The following ADH1B variants were observed in gnomAD, a reference collection of about 807,000 sequenced individuals.
The protein encoded by ADH1B is alcohol dehydrogenase 1B (class I), beta polypeptide.
A neutral mutation model predicts 34.6 loss-of-function variants in ADH1B; 29 were observed. That is an observed-to-expected ratio of 0.84 (90% CI 0.62 to 1.14). The LOEUF is 1.14. Ranked by LOEUF, ADH1B falls within the 50% of genes most tolerant of loss-of-function variation. The pLI, the probability that ADH1B is intolerant of heterozygous loss-of-function variation, is 0.00. For synonymous variants in ADH1B, 170 were observed against 175.5 expected, an observed-to-expected ratio of 0.97 and a Z score of 0.25; for missense variants, 424 against 468.4, an observed-to-expected ratio of 0.91 and a Z score of 0.87.
At chr4:99,319,834 T>G (rs1219079284) in intron 1 of ADH1B, 1 of 152,194 alleles carries the variant, frequency 6.6e-6, no homozygotes, top group African/African-American at 2.4e-5. Flanking sequence ...GATTTATTTT[T>G]CTGCCAATTC....
chr4:99,318,706 G>C, intron 2 of ADH1B, 79 bp downstream of exon 2: 1 of 1,366,896 alleles, frequency 7.3e-7, no homozygotes, highest in Non-Finnish European at 1.0e-6. Context: ...CCTCTTAGTG[G>C]ATTTTTGGAT....
chr4:99,313,957 G>A lies in ADH1B; in HGVS notation c.692C>T (p.Ala231Val), dbSNP rs775609473. 3 of 1,614,132 alleles carry A rather than the reference G, an allele frequency of 1.9e-6. No individual in the cohort carries two copies. Among genetic ancestry groups the A allele is most frequent in the Non-Finnish European group, 2.5e-6 (3 of 1,180,030 alleles). ...AGTGGCACCCAACTCTTTGGCCTTTGCAAATTTGTCCTTGTTGATGTCCAC... is the reference window on the plus strand; with the variant it reads ...AGTGGCACCCAACTCTTTGGCCTTTACAAATTTGTCCTTGTTGATGTCCAC... ...IAVDINKDKF[A>V]KAKELGATEC... The change falls in exon 6 of 9, where the codon GCA (alanine) becomes GTA (valine). Residue 231 changes from alanine (A) to valine (V), a missense_variant. Around this residue, in one of 3 missense-constraint regions of ADH1B, gnomAD observed 291 missense variants for 300.4 expected, o/e 0.97. Coordinates refer to ENST00000305046, the MANE Select transcript of ADH1B (RefSeq NM_000668.6).
At chr4:99,320,747 A>G (rs1734004012) in intron 1 of ADH1B, 2 of 1,082,194 alleles carry the variant, frequency 1.8e-6, no homozygotes, top group Admixed American at 4.9e-5. Context: ...TTGTATCATA[A>G]TGGACCCCTT....
Position 99,318,164 on chromosome 4 carries a change from A to G in ADH1B, c.141T>C (p.Cys47=). Residue 47 remains cysteine (C), a synonymous_variant, in exon 3 of 9, where the codon TGT becomes TGC. Coordinates refer to ENST00000305046, the MANE Select transcript of ADH1B (RefSeq NM_000668.6). ...VRIKMVAVGI[C]HTDDHVVSGN... ...CACTAACCACGTGGTCATCTGTGTG[A>G]CAGATTCCTACAGCCACCATCTACA... 1 of 1,614,130 alleles carries G rather than the reference A, an allele frequency of 6.2e-7. No individual in the cohort carries two copies. The highest frequency in any genetic ancestry group is 8.5e-7 in the Non-Finnish European group (1 of 1,180,002).
At chr4:99,319,291 G>C in intron 1 of ADH1B, 1 of 256,536 alleles carries the variant, frequency 3.9e-6, no homozygotes, top group South Asian at 4.6e-5. Context: ...AAAATACACT[G>C]CTTTATTGCT....
chr4:99,306,131 G>C lies in ADH1B; in HGVS notation c.*1709C>G, dbSNP rs28914794. On this transcript the variant is annotated 3_prime_UTR_variant, in exon 9 of 9. Coordinates refer to ENST00000305046, the MANE Select transcript of ADH1B (RefSeq NM_000668.6). ...AGCGATTCTCTTGCCTCAGCCTCCT[G>C]AGTAGCTGGGATTACAGCCACCTGC... is the stretch of plus-strand genomic sequence containing the variant. 22,460 of 152,124 alleles carry C rather than the reference G, an allele frequency of 0.15. 2,261 individuals are homozygous for C. Among genetic ancestry groups the C allele is most frequent in the Admixed American group, 0.26 (3,934 of 15,276 alleles). 9.4% of individuals were successfully genotyped at this position (152,124 alleles called of 1,614,324 possible).
rs770061958 is a variant in ADH1B at position 99,314,038 on chromosome 4, A to G, written c.611T>C (p.Val204Ala). 4 of 1,614,070 alleles carry G rather than the reference A, an allele frequency of 2.5e-6. No individual in the cohort carries two copies. Among genetic ancestry groups the G allele is most frequent in the Non-Finnish European group, 3.4e-6 (4 of 1,180,022 alleles). Residue 204 changes from valine (V) to alanine (A), a missense_variant, in exon 6 of 9, where the codon GTC becomes GCC. By Grantham distance (64) the Val-to-Ala change is moderately conservative (BLOSUM62 0). Coordinates refer to ENST00000305046, the MANE Select transcript of ADH1B (RefSeq NM_000668.6). The stretch of plus-strand genomic sequence containing the variant: ...ACAGCCCATAACAGCAGATAGGCCG[A>G]CCCCTCCCAGGCCAAACACAGCACA... ...STCAVFGLGGVGLSAVMGCKA... is the reference protein window; with the variant it reads ...STCAVFGLGGAGLSAVMGCKA...
At chr4:99,310,937 C>T (rs778412870) in intron 7 of ADH1B, 34 bp from the exon 8 acceptor site, 18 of 1,604,800 alleles carry the variant, frequency 1.1e-5, no homozygotes, top group Non-Finnish European at 1.4e-5. Context: ...TTGGATTCAG[C>T]TAGGGTAAGT....
At position 99,307,664 on chromosome 4, in the gene ADH1B, A is replaced by T; in HGVS notation, c.*176T>A. 1 of 831,630 alleles carries T rather than the reference A, an allele frequency of 1.2e-6. No individual in the cohort carries two copies. The highest frequency in any genetic ancestry group is 1.9e-6 in the Non-Finnish European group (1 of 524,166). The allele number at this position is 831,630 out of a possible 1,614,324, so 51.5% of individuals were successfully genotyped here. ...TTTATTTACTTCTCACTTGAATTTT[A>T]AATTTTCCTGAAAAATAATTTCCCA... On this transcript the variant is annotated 3_prime_UTR_variant, in exon 9 of 9. Coordinates refer to ENST00000305046, the MANE Select transcript of ADH1B (RefSeq NM_000668.6).
rs1733630101 is a variant in ADH1B, at chr4:99,307,204, C to T, written c.*636G>A. The stretch of plus-strand genomic sequence containing the variant: ...TTTTAAAAAATCAATTGTATATCGA[C>T]CATAAAGAAATAGTATAAAAGTCAT... On this transcript the variant is annotated 3_prime_UTR_variant, in exon 9 of 9. Transcript: ENST00000305046. 1 of 152,122 alleles carries T rather than the reference C, an allele frequency of 6.6e-6. No individual in the cohort carries two copies. Among genetic ancestry groups the T allele is most frequent in the African/African-American group, 2.4e-5 (1 of 41,390 alleles). 9.4% of individuals were successfully genotyped at this position (152,122 alleles called of 1,614,324 possible).
rs756347248 is a variant in ADH1B at position 99,311,604 on chromosome 4, C to G, written c.881G>C (p.Gly294Ala). Residue 294 changes from glycine to alanine, a missense_variant, in exon 7 of 9, where the codon GGG becomes GCG. By Grantham distance (60) the Gly-to-Ala change is moderately conservative (BLOSUM62 0). Coordinates refer to ENST00000305046, the MANE Select transcript of ADH1B (RefSeq NM_000668.6). ...HEACGTSVIVGVPPASQNLSI... is the reference protein window; with the variant it reads ...HEACGTSVIVAVPPASQNLSI... ...GAGGTTCTGGGAAGCAGGAGGTACC[C>G]CTACGATGACGCTTGTGCCACATGC... The G allele has an allele frequency of 2.0e-5, 32 of 1,613,848 alleles. No individual in the cohort carries two copies. The South Asian group carries it at 3.1e-4, about 16-fold the overall frequency.
In ADH1B at chr4:99,307,387, A is replaced by G. The variant is rs1365741157; in HGVS notation, c.*453T>C. On this transcript the variant is annotated 3_prime_UTR_variant, in exon 9 of 9. Transcript: ENST00000305046. ...TACCCCAGGGATTTGGTACATTTTT[A>G]TTAGAAAAAGGAAAATGTCGACAGT... 5.5e-6 allele frequency: 1 copy of G among 181,212 alleles called. No homozygotes were observed. Among genetic ancestry groups the G allele is most frequent in the African/African-American group, 2.4e-5 (1 of 41,450 alleles). 11.2% of individuals were successfully genotyped at this position (181,212 alleles called of 1,614,324 possible).
intron 1 of ADH1B, chr4:99,320,644 A>T: frequency 3.3e-6 from 1 of 303,050 alleles, no homozygotes; most frequent in Non-Finnish European, 5.1e-6. Flanking sequence ...TTGTATTATT[A>T]TTCAAATTGT....
intron 5 of ADH1B, 45 bp downstream of exon 5, chr4:99,315,853 G>A (rs764980088): frequency 3.9e-5 from 62 of 1,607,574 alleles, no homozygotes; most frequent in Non-Finnish European, 4.8e-5. Flanking sequence ...TTTGGTTTCC[G>A]ACAGTCTGCA....
intron 5 of ADH1B, 130 bp from the exon 6 acceptor site, chr4:99,314,211 C>T (rs1733824506): frequency 7.0e-7 from 1 of 1,434,614 alleles, no homozygotes; most frequent in Non-Finnish European, 9.4e-7. Context: ...TTTATCAAAA[C>T]CTCTTTTGGC....
chr4:99,305,236 C>A lies in ADH1B; in HGVS notation c.*2604G>T, dbSNP rs903594052. ...ATATTTTTAGATTATTTGTTTATAC[C>A]AGAATTTGAAATTTTTCTCCATGCT... On this transcript the variant is annotated 3_prime_UTR_variant, in exon 9 of 9. Transcript: ENST00000305046. 1.3e-5 allele frequency: 2 copies of A among 150,844 alleles called. No individual in the cohort carries two copies. The highest frequency in any genetic ancestry group is 4.9e-5 in the African/African-American group (2 of 41,010). 9.3% of individuals were successfully genotyped at this position (150,844 alleles called of 1,614,324 possible). A position where few individuals can be genotyped will look rare whatever the true frequency, so the allele number is the denominator to read the frequency against.
chr4:99,321,225 G>T, intron 1 of ADH1B, 89 bp downstream of exon 1: 1 of 1,188,336 alleles, frequency 8.4e-7, no homozygotes, highest in Admixed American at 1.8e-5. Flanking sequence ...ATTTAGATAT[G>T]AATTTTAAAT....
Position 99,310,814 on chromosome 4 carries a change from G to A in ADH1B, c.1054C>T (p.Pro352Ser), listed in dbSNP as rs1471258115. 6.8e-6 allele frequency: 11 copies of A among 1,612,324 alleles called. No homozygotes were observed. Among genetic ancestry groups the A allele is most frequent in the Non-Finnish European group, 7.6e-6 (9 of 1,179,476 alleles). Residue 352 changes from proline to serine, a missense_variant, in exon 8 of 9, where the codon CCT becomes TCT. By Grantham distance (74) the Pro-to-Ser change is moderately conservative. Transcript: ENST00000305046. ...SLDALITHVLPFEKINEGFDL... is the reference protein window; with the variant it reads ...SLDALITHVLSFEKINEGFDL... Reference sequence around the variant, plus strand: ...AATCCTTCATTTATTTTTTCAAAAGGTAAAACATGGGTTATTAACGCATCC... The same window carrying A: ...AATCCTTCATTTATTTTTTCAAAAGATAAAACATGGGTTATTAACGCATCC...
At chr4:99,314,107 A>G (rs1468102524) in intron 5 of ADH1B, 26 bp from the exon 6 acceptor site, 21 of 1,609,804 alleles carry the variant, frequency 1.3e-5, no homozygotes, top group Non-Finnish European at 1.8e-5. Context: ...ATGCAAAAAT[A>G]GATTAAGTGA....
Sources: allele counts gnomAD v4.1 joint callset, GRCh38; gene constraint gnomAD v4.1.1; regional missense constraint gnomAD v4.1.1; transcripts MANE v1.5; gene names NCBI Gene and HGNC (gene_info 2026-07-23, HGNC 2026-07-21).